SMAP1: variants seen among roughly 807,000 people sequenced by gnomAD.
SMAP1 encodes the protein small ArfGAP 1.
In SMAP1, 24 loss-of-function variants were observed where a neutral mutation model predicts 58.5. That is an observed-to-expected ratio of 0.41 (90% CI 0.30 to 0.58). The LOEUF (loss-of-function observed/expected upper bound fraction) is 0.58, where lower values mean the gene tolerates loss of function less well. SMAP1 is among the 20% of genes least tolerant of loss of function. The probability of loss-of-function intolerance (pLI) is 0.29; values close to 1 mark genes in which losing one functional copy is unlikely to be tolerated. For synonymous variants in SMAP1, 216 were observed against 196.6 expected, an observed-to-expected ratio of 1.10 and a Z score of -0.82; for missense variants, 563 against 566.3, an observed-to-expected ratio of 0.99 and a Z score of 0.06.
intron 1 of SMAP1, among the ~76,000 whole-genome samples, chr6:70,723,693 A>G (rs760014771): frequency 2.0e-5 from 3 of 152,170 alleles, no homozygotes; most frequent in Non-Finnish European, 2.9e-5. Context: ...GTTTACTACT[A>G]TATCCCCAGA....
chr6:70,817,138 AT>A (rs34064328), intron 6 of SMAP1, among the ~76,000 whole-genome samples: 2,641 of 140,508 alleles, frequency 0.019, 21 homozygotes, highest in South Asian at 0.029. Flanking sequence ...ATATATATAT[AT>A]TTTTTTTTTG....
chr6:70,817,119 A>AATAT lies in SMAP1; in HGVS notation c.576+18399_576+18402dup, dbSNP rs374628204. Among the ~76,000 whole-genome samples the AATAT allele has an allele frequency of 5.1e-4, 74 of 146,366 alleles. No homozygotes were observed. The East Asian group carries it at 7.9e-3, about 16-fold the overall frequency. On this transcript the variant is annotated intron_variant, in intron 6 of 10. Coordinates refer to ENST00000370455, the MANE Select transcript of SMAP1 (RefSeq NM_001044305.3). ...CAACTATATTAGAAAACTGTATTAG[A>AATAT]ATATATATATATATATATATTTTTT... is the stretch of plus-strand genomic sequence containing the variant.
chr6:70,678,124 T>A (rs1488005855), intron 1 of SMAP1, among the ~76,000 whole-genome samples: 1 of 152,246 alleles, frequency 6.6e-6, no homozygotes, highest in African/African-American at 2.4e-5. Flanking sequence ...GTGATAAATG[T>A]GAGGACCTTG....
intron 4 of SMAP1, among the ~76,000 whole-genome samples, chr6:70,786,292 G>A (rs537423486): frequency 1.4e-5 from 2 of 146,254 alleles, no homozygotes; most frequent in African/African-American, 5.1e-5. Flanking sequence ...AGGTATTGGT[G>A]GGACGTATCT....
chr6:70,692,985 A>G (rs868271137), intron 1 of SMAP1, among the ~76,000 whole-genome samples: 3 of 151,926 alleles, frequency 2.0e-5, no homozygotes, highest in Non-Finnish European at 1.5e-5. Context: ...GGGTTTCACC[A>G]TGTTAGCCAG....
rs1267418691 is a variant in SMAP1 at position 70,774,189 on chromosome 6, CGAT to C, written c.414+769_414+771del. On this transcript the variant is annotated intron_variant, in intron 4 of 10. Transcript: ENST00000370455. Reference sequence around the variant, plus strand: ...ATGAGCACACTCGATTATGTTTGCACGATGATGCTGTCATGTAATGATATGTTT... The same window carrying C: ...ATGAGCACACTCGATTATGTTTGCACGATGCTGTCATGTAATGATATGTTT... 3.3e-5 allele frequency among the ~76,000 whole-genome samples: 5 copies of C among 152,262 alleles called. No individual in the cohort carries two copies. In the East Asian group the frequency reaches 7.7e-4, roughly 23 times the overall value.
At chr6:70,679,227 C>T (rs1340209257) in intron 1 of SMAP1, among the ~76,000 whole-genome samples, 1 of 152,080 alleles carries the variant, frequency 6.6e-6, no homozygotes, top group Non-Finnish European at 1.5e-5. Context: ...CTATGTTGGC[C>T]AGGCTGGTCT....
At position 70,753,845 on chromosome 6, in the gene SMAP1, G is replaced by T. The variant is rs74432888; in HGVS notation, c.253-1135G>T. Among the ~76,000 whole-genome samples, 574 of 151,724 alleles carry T rather than the reference G, an allele frequency of 3.8e-3. 6 individuals are homozygous for T. Among genetic ancestry groups the T allele is most frequent in the African/African-American group, 0.013 (537 of 41,350 alleles). On this transcript the variant is annotated intron_variant, in intron 2 of 10. Transcript: ENST00000370455. ...ACTTCACTTTCTCATTATCTCTAGA[G>T]GGAAGACTTAGAAATGTAGTTTACT... is the stretch of plus-strand genomic sequence containing the variant.
At chr6:70,769,704 C>T (rs559788472) in intron 3 of SMAP1, among the ~76,000 whole-genome samples, 22 of 152,238 alleles carry the variant, frequency 1.4e-4, no homozygotes, top group African/African-American at 5.3e-4. Context: ...GACTCTTTAT[C>T]CATTTTGCCA....
intron 4 of SMAP1, among the ~76,000 whole-genome samples, chr6:70,786,722 A>G (rs1026612797): frequency 6.6e-6 from 1 of 152,202 alleles, no homozygotes; most frequent in Admixed American, 6.5e-5. Flanking sequence ...CAAGAGAATA[A>G]AATACCTACA....
At chr6:70,673,235 G>A (rs1379666169) in intron 1 of SMAP1, among the ~76,000 whole-genome samples, 2 of 152,164 alleles carry the variant, frequency 1.3e-5, no homozygotes, top group Admixed American at 6.6e-5. Context: ...TGCTACCGCT[G>A]CCCCACTGTC....
At chr6:70,797,873 A>C (rs1266274280) in intron 5 of SMAP1, among the ~76,000 whole-genome samples, 1 of 152,054 alleles carries the variant, frequency 6.6e-6, no homozygotes, top group Non-Finnish European at 1.5e-5. Flanking sequence ...CTCAGTTTCT[A>C]GTCATCTCTT....
intron 4 of SMAP1, among the ~76,000 whole-genome samples, chr6:70,782,572 G>C (rs6455381): frequency 0.82 from 125,100 of 152,192 alleles, 52,193 homozygotes; most frequent in East Asian, 1. Flanking sequence ...TTCCTGCCCT[G>C]AAACATCGGA....
intron 10 of SMAP1, 85 bp downstream of exon 10, chr6:70,858,314 T>TTAAG: frequency 1.1e-6 from 1 of 939,564 alleles, no homozygotes; most frequent in African/African-American, 1.7e-5. Context: ...TTTTTTTTTT[T>TTAAG]TAAGTCTAGT....
At chr6:70,816,741 G>T (rs1769645674) in intron 6 of SMAP1, among the ~76,000 whole-genome samples, 1 of 152,098 alleles carries the variant, frequency 6.6e-6, no homozygotes, top group Admixed American at 6.5e-5. Context: ...TAGTGTGATT[G>T]TTAGTAGTTG....
intron 4 of SMAP1, among the ~76,000 whole-genome samples, chr6:70,791,141 C>G (rs1768332964): frequency 6.6e-6 from 1 of 152,172 alleles, no homozygotes; most frequent in Non-Finnish European, 1.5e-5. Context: ...GTCTGCTGCT[C>G]AGCTGTTATA....
chr6:70,689,430 G>T (rs966455350), intron 1 of SMAP1, among the ~76,000 whole-genome samples: 2 of 152,212 alleles, frequency 1.3e-5, no homozygotes, highest in Non-Finnish European at 2.9e-5. Flanking sequence ...TGATCTGTTT[G>T]TCTGCCTTTA....
At chr6:70,755,278 G>A (rs889597243) in intron 3 of SMAP1, among the ~76,000 whole-genome samples, 2 of 151,916 alleles carry the variant, frequency 1.3e-5, no homozygotes, top group African/African-American at 2.4e-5. Context: ...AAAAATACAC[G>A]ATACATATGG....
intron 1 of SMAP1, among the ~76,000 whole-genome samples, chr6:70,700,925 C>T (rs1279402106): frequency 6.6e-6 from 1 of 152,204 alleles, no homozygotes; most frequent in African/African-American, 2.4e-5. Flanking sequence ...CTAGAATTGT[C>T]ATCGGGGAGC....
Sources: gnomAD v4.1 joint callset for allele counts (sites outside exome capture counted in the v4.1 genomes callset) on GRCh38, gnomAD v4.1.1 for gene constraint, MANE v1.5 for transcripts, NCBI Gene and HGNC (gene_info 2026-07-23, HGNC 2026-07-21) for gene names.